Variants in ZNF776 observed in about 807,000 individuals in gnomAD.
The protein encoded by ZNF776 is zinc finger protein 776.
Under a neutral mutation model 7.0 loss-of-function variants are expected in ZNF776, and 4 were observed. That is an observed-to-expected ratio of 0.57 (90% CI 0.28 to 1.31). The LOEUF is 1.31. Among genes scored for constraint, ZNF776 ranks in the 50% most tolerant of loss-of-function variants. ZNF776 has a pLI of 0.10. For missense variants in ZNF776, 555 were observed against 625.9 expected, an observed-to-expected ratio of 0.89 and a Z score of 1.21; for synonymous variants, 212 against 213.7, an observed-to-expected ratio of 0.99 and a Z score of 0.07.
chr19:57,753,345 A>C lies in ZNF776; in HGVS notation c.215A>C (p.Gln72Pro). Residue 72 changes from glutamine (Q) to proline (P), a missense_variant, in exon 3 of 3, where the codon CAA (glutamine) becomes CCA (proline). Transcript: ENST00000317178. ...ETPSKQTLSI[Q>P]QESPLRTHWT... is the part of the protein sequence containing the mutation. ...CCTTCTAAGCAGACCCTTTCTATAC[A>C]ACAGGAGTCCCCACTCAGGACACAT... is the stretch of plus-strand genomic sequence containing the variant. 1 of 1,614,202 alleles carries C rather than the reference A, an allele frequency of 6.2e-7. No individual in the cohort carries two copies. The highest frequency in any genetic ancestry group is 8.5e-7 in the Non-Finnish European group (1 of 1,180,038).
chr19:57,755,043 C>G lies in ZNF776; in HGVS notation c.*356C>G, dbSNP rs78235148. The G allele has an allele frequency of 6.8e-3, 1,632 of 239,238 alleles. 29 individuals carry two copies. The highest frequency in any genetic ancestry group is 0.044 in the East Asian group (457 of 10,450). The allele number at this position is 239,238 out of a possible 1,614,324, so 14.8% of individuals were successfully genotyped here. On this transcript the variant is annotated 3_prime_UTR_variant, in exon 3 of 3. Coordinates refer to ENST00000317178, the MANE Select transcript of ZNF776 (RefSeq NM_173632.4). Reference sequence around the variant, plus strand: ...TAAGGAATTTGTAAAATTATTTAGCCAGAAGAGCTGCATTACTATTCATCA... The same window carrying G: ...TAAGGAATTTGTAAAATTATTTAGCGAGAAGAGCTGCATTACTATTCATCA...
rs1207179268 is a variant in ZNF776 at position 57,758,043 on chromosome 19, G to A, written c.*3356G>A. 6.6e-6 allele frequency: 1 copy of A among 151,914 alleles called. No homozygotes were observed. The highest frequency in any genetic ancestry group is 2.4e-5 in the African/African-American group (1 of 41,320). 9.4% of individuals were successfully genotyped at this position (151,914 alleles called of 1,614,324 possible). A position where few individuals can be genotyped will look rare whatever the true frequency, so the allele number is the denominator to read the frequency against. Reference sequence around the variant, plus strand: ...TGAGTAGTTCATTCTTTTTATCTTAGAATATGACATGCTATGGAAATCACT... The same window carrying A: ...TGAGTAGTTCATTCTTTTTATCTTAAAATATGACATGCTATGGAAATCACT... On this transcript the variant is annotated 3_prime_UTR_variant, in exon 3 of 3. Coordinates refer to ENST00000317178, the MANE Select transcript of ZNF776 (RefSeq NM_173632.4).
rs957579192 is a variant in ZNF776, at chr19:57,746,859, C to A, written c.-200C>A. On this transcript the variant is annotated 5_prime_UTR_variant, in exon 1 of 3. Transcript: ENST00000317178. ...GTTGGGTGTATTTTCCAGTGAGAGACCGCGGAGTGTTGGGTCGTGTAGAAG... is the reference window on the plus strand; with the variant it reads ...GTTGGGTGTATTTTCCAGTGAGAGAACGCGGAGTGTTGGGTCGTGTAGAAG... 6 of 467,490 alleles carry A rather than the reference C, an allele frequency of 1.3e-5. No individual in the cohort carries two copies. The Admixed American group carries it at 2.2e-4, about 17-fold the overall frequency. The allele number at this position is 467,490 out of a possible 1,614,324, so 29.0% of individuals were successfully genotyped here.
chr19:57,748,076 C>T (rs965529258), intron 1 of ZNF776, among the ~76,000 whole-genome samples: 1 of 152,074 alleles, frequency 6.6e-6, no homozygotes, highest in Non-Finnish European at 1.5e-5. Flanking sequence ...GCTGTAGTCT[C>T]CTCTGGCTGT....
intron 1 of ZNF776, 81 bp downstream of exon 1, chr19:57,747,172 A>G: frequency 6.9e-7 from 1 of 1,459,150 alleles, no homozygotes; most frequent in South Asian, 1.2e-5. Flanking sequence ...GCGCCTGCTC[A>G]AGGTTTTACA....
chr19:57,750,973 C>A, intron 2 of ZNF776, 62 bp downstream of exon 2: 1 of 1,525,686 alleles, frequency 6.6e-7, no homozygotes, highest in South Asian at 1.3e-5. Context: ...CATCTTTTTT[C>A]CCCATGGCAA....
chr19:57,750,908 C>T lies in ZNF776; in HGVS notation c.157C>T (p.Leu53=), dbSNP rs773072194. The T allele has an allele frequency of 6.2e-7, 1 of 1,607,670 alleles. No individual in the cohort carries two copies. The highest frequency in any genetic ancestry group is 8.5e-7 in the Non-Finnish European group (1 of 1,176,490). The change falls in exon 2 of 3, where the codon CTA becomes TTA. Residue 53 remains leucine, a synonymous_variant. Transcript: ENST00000317178. ...GGAGAACCTGACACTTATATCTTCTCTAGGTAAGGCACTCACACTCTTCTC... is the reference window on the plus strand; with the variant it reads ...GGAGAACCTGACACTTATATCTTCTTTAGGTAAGGCACTCACACTCTTCTC... ...MLENLTLISS[L]GCWYGAKDET... is the part of the protein sequence containing the mutation.
chr19:57,748,314 A>G (rs1045116152), intron 1 of ZNF776, among the ~76,000 whole-genome samples: 3 of 152,222 alleles, frequency 2.0e-5, no homozygotes, highest in African/African-American at 7.2e-5. Context: ...AGCTGTAGCT[A>G]TGGAAGCTGC....
Position 57,754,651 on chromosome 19 carries a change from A to T in ZNF776, c.1521A>T (p.Gln507His). 1.2e-6 allele frequency: 2 copies of T among 1,612,376 alleles called. No homozygotes were observed. Among genetic ancestry groups the T allele is most frequent in the East Asian group, 2.2e-5 (1 of 44,792 alleles). Residue 507 changes from glutamine (Q) to histidine (H), a missense_variant, in exon 3 of 3, where the codon CAA becomes CAT. Physicochemically the swap from Gln to His is conservative, Grantham distance 24. Transcript: ENST00000317178. ...FRQKGNLIKH[Q>H]RVHTGERHHE... ...AAAAGGGAAACCTCATTAAACATCA[A>T]CGAGTTCACACGGGAGAAAGACATC...
chr19:57,747,041 C>T lies in ZNF776; in HGVS notation c.-18C>T, dbSNP rs1247919083. ...TGCTCGCCCCCTCCTTTCGACCCCG[C>T]TTTCCCCACCCAGTCGGATGGCGGC... On this transcript the variant is annotated 5_prime_UTR_variant, in exon 1 of 3. Coordinates refer to ENST00000317178, the MANE Select transcript of ZNF776 (RefSeq NM_173632.4). 16 of 1,579,416 alleles carry T rather than the reference C, an allele frequency of 1.0e-5. No individual in the cohort carries two copies. In the East Asian group the frequency reaches 3.3e-4, roughly 32 times the overall value.
In ZNF776 at chr19:57,754,469, C is replaced by CATT. The variant is rs1986709893; in HGVS notation, c.1339_1340insATT (p.Leu447delinsHisPhe). ...GAAATGTTTTCATCAAAAGGGCAGT[C>CATT]TCATTCAACATCAGCAGATCCACTC... On this transcript the variant is annotated protein_altering_variant, in exon 3 of 3. Coordinates refer to ENST00000317178, the MANE Select transcript of ZNF776 (RefSeq NM_173632.4). 1 of 1,614,022 alleles carries CATT rather than the reference C, an allele frequency of 6.2e-7. No individual in the cohort carries two copies. The highest frequency in any genetic ancestry group is 8.5e-7 in the Non-Finnish European group (1 of 1,180,020).
rs749846359 is a variant in ZNF776, at chr19:57,754,167, G to C, written c.1037G>C (p.Arg346Thr). The stretch of plus-strand genomic sequence containing the variant: ...CACCAGCGAGTTCACACTGGAGAAA[G>C]ACCTTATCAGTGTGGAGAATGTGGG... ...VHHQRVHTGE[R>T]PYQCGECGKS... The change falls in exon 3 of 3, where the codon AGA becomes ACA. Residue 346 changes from arginine (R) to threonine (T), a missense_variant. Physicochemically the swap from Arg to Thr is moderately conservative, Grantham distance 71. Transcript: ENST00000317178. 1.2e-6 allele frequency: 2 copies of C among 1,614,190 alleles called. No homozygotes were observed. Among genetic ancestry groups the C allele is most frequent in the Non-Finnish European group, 1.7e-6 (2 of 1,180,014 alleles).
chr19:57,753,346 A>T lies in ZNF776; in HGVS notation c.216A>T (p.Gln72His), dbSNP rs1986662849. 1 of 1,614,092 alleles carries T rather than the reference A, an allele frequency of 6.2e-7. No homozygotes were observed. The highest frequency in any genetic ancestry group is 1.3e-5 in the African/African-American group (1 of 74,932). Residue 72 changes from glutamine (Q) to histidine (H), a missense_variant, in exon 3 of 3, where the codon CAA becomes CAT. Physicochemically the swap from Gln to His is conservative, Grantham distance 24. Coordinates refer to ENST00000317178, the MANE Select transcript of ZNF776 (RefSeq NM_173632.4). ...CTTCTAAGCAGACCCTTTCTATACA[A>T]CAGGAGTCCCCACTCAGGACACATT... ...ETPSKQTLSIQQESPLRTHWT... is the reference protein window; with the variant it reads ...ETPSKQTLSIHQESPLRTHWT...
At chr19:57,750,356 C>T (rs1986563340) in intron 1 of ZNF776, among the ~76,000 whole-genome samples, 1 of 150,228 alleles carries the variant, frequency 6.7e-6, no homozygotes, top group African/African-American at 2.5e-5. Flanking sequence ...TACTCGAGCC[C>T]AGTAGACAGA....
intron 1 of ZNF776, among the ~76,000 whole-genome samples, chr19:57,750,090 G>A (rs892256663): frequency 2.6e-5 from 4 of 152,024 alleles, no homozygotes; most frequent in Admixed American, 6.6e-5. Flanking sequence ...GCAGTTTAGT[G>A]GGGGTGGCCA....
In ZNF776 at chr19:57,755,075, T is replaced by G. The variant is rs553246947; in HGVS notation, c.*388T>G. On this transcript the variant is annotated 3_prime_UTR_variant, in exon 3 of 3. Transcript: ENST00000317178. Reference sequence around the variant, plus strand: ...GCTGCATTACTATTCATCAGATAATTTACAATGGAGAAAGGCCACATAATA... The same window carrying G: ...GCTGCATTACTATTCATCAGATAATGTACAATGGAGAAAGGCCACATAATA... 3.1e-5 allele frequency: 6 copies of G among 195,788 alleles called. No individual in the cohort carries two copies. Among genetic ancestry groups the G allele is most frequent in the African/African-American group, 1.4e-4 (6 of 42,626 alleles). 12.1% of individuals were successfully genotyped at this position (195,788 alleles called of 1,614,324 possible). A position where few individuals can be genotyped will look rare whatever the true frequency, so the allele number is the denominator to read the frequency against.
chr19:57,753,946 A>AT lies in ZNF776; in HGVS notation c.820dup (p.Trp274LeufsTer3), dbSNP rs768091264. On this transcript the variant is annotated frameshift_variant, in exon 3 of 3. Coordinates refer to ENST00000317178, the MANE Select transcript of ZNF776 (RefSeq NM_173632.4). LOFTEE classifies it low-confidence loss of function (END_TRUNC). ...ATCAGTGTGGACAATGTGATGAATCATTTTGGTATAAGGCCCACCTCACTG... is the reference window on the plus strand; with the variant it reads ...ATCAGTGTGGACAATGTGATGAATCATTTTTGGTATAAGGCCCACCTCACTG... 1.2e-6 allele frequency: 2 copies of AT among 1,614,220 alleles called. No homozygotes were observed. Among genetic ancestry groups the AT allele is most frequent in the Non-Finnish European group, 1.7e-6 (2 of 1,180,040 alleles).
At chr19:57,749,872 A>C (rs747290136) in intron 1 of ZNF776, among the ~76,000 whole-genome samples, 4 of 152,282 alleles carry the variant, frequency 2.6e-5, no homozygotes, top group Non-Finnish European at 5.9e-5. Flanking sequence ...TGCAACCCCT[A>C]TGTGGTCCTT....
chr19:57,748,754 A>C (rs1365304842), intron 1 of ZNF776, among the ~76,000 whole-genome samples: 2 of 152,164 alleles, frequency 1.3e-5, no homozygotes, highest in African/African-American at 2.4e-5. Context: ...GAGAGAATAG[A>C]CATGAAATAG....
Sources: allele counts gnomAD v4.1 joint callset (sites outside exome capture counted in the v4.1 genomes callset), GRCh38; gene constraint gnomAD v4.1.1; transcripts MANE v1.5; gene names NCBI Gene and HGNC (gene_info 2026-07-23, HGNC 2026-07-21).